The following NEK11 variants were observed in gnomAD, a reference collection of about 807,000 sequenced individuals.
NEK11 encodes the protein serine/threonine-protein kinase Nek11.
Under a neutral mutation model 80.7 loss-of-function variants are expected in NEK11, and 72 were observed. That is an observed-to-expected ratio of 0.89 (90% CI 0.74 to 1.08). The LOEUF is 1.08. Ranked by LOEUF, NEK11 falls within the 50% of genes least tolerant of loss-of-function variation. The pLI, the probability that NEK11 is intolerant of heterozygous loss-of-function variation, is 0.00. For missense variants in NEK11, 764 were observed against 763.6 expected (o/e 1.00, Z -0.01); for synonymous variants, 251 against 260.7 (o/e 0.96, Z 0.36).
intron 4 of NEK11, among the ~76,000 whole-genome samples, chr3:131,100,710 G>A (rs1023338389): frequency 5.3e-5 from 8 of 151,942 alleles, no homozygotes; most frequent in Admixed American, 1.3e-4. Context: ...CTCCTTTTTC[G>A]TTGCATCTTT....
At chr3:131,079,644 A>G (rs1379734409) in intron 3 of NEK11, among the ~76,000 whole-genome samples, 1 of 152,136 alleles carries the variant, frequency 6.6e-6, no homozygotes, top group East Asian at 1.9e-4. Flanking sequence ...GTCTATTCCC[A>G]AAGAGTTATC....
intron 16 of NEK11, among the ~76,000 whole-genome samples, chr3:131,268,857 G>A (rs568101474): frequency 1.3e-5 from 2 of 152,354 alleles, no homozygotes; most frequent in South Asian, 4.1e-4. Flanking sequence ...GTCTGCTGAA[G>A]CTGTGCCACA....
At chr3:131,117,004 G>T (rs1447801921) in intron 5 of NEK11, among the ~76,000 whole-genome samples, 1 of 152,098 alleles carries the variant, frequency 6.6e-6, no homozygotes, top group Non-Finnish European at 1.5e-5. Flanking sequence ...GCCAATTTTG[G>T]CTTTTGTTGC....
chr3:131,139,903 A>G (rs78615593), intron 7 of NEK11, among the ~76,000 whole-genome samples: 2,042 of 152,288 alleles, frequency 0.013, 27 homozygotes, highest in East Asian at 0.079. Flanking sequence ...GGGCGAGGAA[A>G]GAGTGTGGCC....
intron 17 of NEK11, among the ~76,000 whole-genome samples, chr3:131,345,620 ATAGAGGTTCCT>A (rs1002739568): frequency 6.6e-6 from 1 of 152,212 alleles, no homozygotes; most frequent in Non-Finnish European, 1.5e-5. Context: ...GGAAAACAAT[ATAGAGGTTCCT>A]AAAGAAATTA....
intron 17 of NEK11, among the ~76,000 whole-genome samples, chr3:131,301,882 G>A (rs376194363): frequency 2.1e-4 from 32 of 152,210 alleles, no homozygotes; most frequent in African/African-American, 7.7e-4. Flanking sequence ...AGTGAGTTAG[G>A]GAGGAGTCCC....
At chr3:131,304,787 A>G (rs2096705358) in intron 17 of NEK11, among the ~76,000 whole-genome samples, 1 of 152,100 alleles carries the variant, frequency 6.6e-6, no homozygotes, top group African/African-American at 2.4e-5. Context: ...CAACATGCCA[A>G]TAGTTGGTGC....
chr3:131,273,581 A>T lies in NEK11; in HGVS notation c.1718+7A>T, dbSNP rs1195370345. 2 of 1,607,672 alleles carry T rather than the reference A, an allele frequency of 1.2e-6. No homozygotes were observed. The highest frequency in any genetic ancestry group is 3.3e-5 in the Admixed American group (2 of 59,982). ...AGATGAAACGCATGAGGGAGTAAGT[A>T]GCATGTTGCCTGCCCCCTAGGAAGG... On this transcript the variant is annotated splice_region_variant and intron_variant, in intron 17 of 17. Coordinates refer to ENST00000383366, the MANE Select transcript of NEK11 (RefSeq NM_024800.5).
intron 10 of NEK11, among the ~76,000 whole-genome samples, chr3:131,157,086 G>A (rs1425399759): frequency 6.6e-6 from 1 of 152,002 alleles, no homozygotes; most frequent in Admixed American, 6.6e-5. Context: ...ATGCAATATT[G>A]TAAAATTCCA....
At chr3:131,116,076 A>T (rs2081177013) in intron 5 of NEK11, among the ~76,000 whole-genome samples, 1 of 151,638 alleles carries the variant, frequency 6.6e-6, no homozygotes, top group African/African-American at 2.4e-5. Flanking sequence ...TGCTGCACCC[A>T]TTAACTCGTC....
chr3:131,257,170 A>G (rs1465346730), intron 16 of NEK11, among the ~76,000 whole-genome samples: 1 of 134,158 alleles, frequency 7.5e-6, no homozygotes, highest in Non-Finnish European at 1.6e-5. Flanking sequence ...TTTTTTTTGT[A>G]TTTTTTGTAG....
chr3:131,098,076 T>A (rs1393648129), intron 4 of NEK11, among the ~76,000 whole-genome samples: 1 of 141,118 alleles, frequency 7.1e-6, no homozygotes. Flanking sequence ...ATTTAATAAA[T>A]GGTTCTGGGA....
chr3:131,298,558 A>G (rs1051600843), intron 17 of NEK11, among the ~76,000 whole-genome samples: 6 of 152,178 alleles, frequency 3.9e-5, no homozygotes, highest in Non-Finnish European at 7.3e-5. Flanking sequence ...TTATACTTGC[A>G]TGATTTCTGA....
At chr3:131,062,445 A>G (rs1488059856) in intron 3 of NEK11, among the ~76,000 whole-genome samples, 1 of 152,210 alleles carries the variant, frequency 6.6e-6, no homozygotes, top group African/African-American at 2.4e-5. Flanking sequence ...AATAATTTAT[A>G]GACAATAAAA....
At chr3:131,297,948 G>A (rs200994367) in intron 17 of NEK11, among the ~76,000 whole-genome samples, 1,569 of 151,554 alleles carry the variant, frequency 0.01, 20 homozygotes, top group African/African-American at 0.032. Flanking sequence ...TGTTTTTCTC[G>A]GGTTTGTCAA....
chr3:131,139,128 C>T (rs1312283151), intron 7 of NEK11, among the ~76,000 whole-genome samples: 1 of 151,796 alleles, frequency 6.6e-6, no homozygotes, highest in African/African-American at 2.4e-5. Context: ...CAACAAAATT[C>T]AAGATAACAC....
At chr3:131,276,653 G>T (rs2096296864) in intron 17 of NEK11, among the ~76,000 whole-genome samples, 1 of 151,476 alleles carries the variant, frequency 6.6e-6, no homozygotes, top group African/African-American at 2.4e-5. Context: ...TATTATTACT[G>T]ATCCGTTTGA....
chr3:131,322,351 G>T (rs1026808351), intron 17 of NEK11, among the ~76,000 whole-genome samples: 1 of 152,002 alleles, frequency 6.6e-6, no homozygotes, highest in Non-Finnish European at 1.5e-5. Context: ...TTGCTATCTG[G>T]GTGATCGGGC....
intron 14 of NEK11, among the ~76,000 whole-genome samples, chr3:131,192,039 T>C (rs899479945): frequency 8.5e-5 from 13 of 152,102 alleles, no homozygotes; most frequent in Non-Finnish European, 1.9e-4. Flanking sequence ...GCAAAGCACA[T>C]ATCCAATAAG....
Sources: gnomAD v4.1 joint callset for allele counts (sites outside exome capture counted in the v4.1 genomes callset) on GRCh38, gnomAD v4.1.1 for gene constraint, MANE v1.5 for transcripts, NCBI Gene and HGNC (gene_info 2026-07-23, HGNC 2026-07-21) for gene names.